AFF3: variants seen among roughly 807,000 people sequenced by gnomAD.
The protein encoded by AFF3 is AF4/FMR2 family member 3.
A neutral mutation model predicts 129.7 loss-of-function variants in AFF3; 32 were observed. That is an observed-to-expected ratio of 0.25 (90% CI 0.19 to 0.33). The LOEUF is 0.33. Among genes scored for constraint, AFF3 ranks in the 10% least tolerant of loss-of-function variants. The pLI, the probability that AFF3 is intolerant of heterozygous loss-of-function variation, is 1.00. For missense variants in AFF3, 1,373 were observed against 1,592.0 expected (o/e 0.86, Z 2.34); for synonymous variants, 644 against 635.4 (o/e 1.01, Z -0.20).
At chr2:100,002,010 C>T (rs535309441) in intron 7 of AFF3, among the ~76,000 whole-genome samples, 24 of 152,310 alleles carry the variant, frequency 1.6e-4, no homozygotes, top group Admixed American at 1.2e-3. Flanking sequence ...GCCACGCTGT[C>T]CTGAGGGACG....
intron 4 of AFF3, among the ~76,000 whole-genome samples, chr2:100,026,421 G>T (rs534375519): frequency 3.5e-4 from 54 of 152,276 alleles, no homozygotes; most frequent in African/African-American, 1.3e-3. Flanking sequence ...TGGATGTGGT[G>T]ATCAGGGAAC....
chr2:99,752,397 C>T (rs1681730476), intron 8 of AFF3, 96 bp from the exon 9 acceptor site: 3 of 930,360 alleles, frequency 3.2e-6, no homozygotes, highest in Non-Finnish European at 5.0e-6. Flanking sequence ...CTTCATAAGG[C>T]AGGGAAGGGT....
chr2:100,015,907 G>T (rs867307544), intron 4 of AFF3, among the ~76,000 whole-genome samples: 11 of 152,082 alleles, frequency 7.2e-5, no homozygotes, highest in African/African-American at 2.7e-4. Context: ...TGGCAGTAGT[G>T]TTGGTGGTAG....
Position 100,040,506 on chromosome 2 carries a change from A to G in AFF3, c.54-31574T>C, listed in dbSNP as rs138606982. On this transcript the variant is annotated intron_variant, in intron 4 of 24. Transcript: ENST00000672756. ...AAACAAGATCATGAATCCCTTTTCT[A>G]ATCATGAGCAATAAGAGAAACAAAA... Among the ~76,000 whole-genome samples, 54 of 152,330 alleles carry G rather than the reference A, an allele frequency of 3.5e-4. 1 individual carries two copies. The highest frequency in any genetic ancestry group is 1.3e-3 in the African/African-American group (53 of 41,576).
At chr2:99,583,266 A>T (rs974142984) in intron 16 of AFF3, among the ~76,000 whole-genome samples, 2 of 152,174 alleles carry the variant, frequency 1.3e-5, no homozygotes, top group Admixed American at 1.3e-4. Context: ...TAACACCTTC[A>T]TTTTCCAAGT....
At chr2:99,866,591 C>A (rs1276032272) in intron 7 of AFF3, among the ~76,000 whole-genome samples, 3 of 151,920 alleles carry the variant, frequency 2.0e-5, no homozygotes, top group Admixed American at 6.5e-5. Flanking sequence ...CCAGCCTCCA[C>A]AAGAAAGTCT....
chr2:100,000,289 T>C (rs985446766), intron 7 of AFF3, among the ~76,000 whole-genome samples: 8 of 152,110 alleles, frequency 5.3e-5, no homozygotes, highest in African/African-American at 1.7e-4. Flanking sequence ...GGTTCCACTA[T>C]AGATAATAAT....
intron 8 of AFF3, among the ~76,000 whole-genome samples, chr2:99,812,416 G>A (rs1197823317): frequency 6.6e-6 from 1 of 152,182 alleles, no homozygotes; most frequent in Non-Finnish European, 1.5e-5. Context: ...ACAAAGGCAC[G>A]GAGGACACAC....
chr2:99,778,263 G>A (rs945373547), intron 8 of AFF3, among the ~76,000 whole-genome samples: 2 of 152,024 alleles, frequency 1.3e-5, no homozygotes, highest in African/African-American at 4.8e-5. Flanking sequence ...TCTCCTTCAG[G>A]TCTGTGGCTT....
chr2:99,776,821 G>C lies in AFF3; in HGVS notation c.922-24520C>G, dbSNP rs57948771. On this transcript the variant is annotated intron_variant, in intron 8 of 24. Coordinates refer to ENST00000672756, the MANE Select transcript of AFF3 (RefSeq NM_001386135.1). Reference sequence around the variant, plus strand: ...TAGACTCCAGCCAAAATTTGTAAGGGCTCGGCTCTGAGGCATCTGATAGCA... The same window carrying C: ...TAGACTCCAGCCAAAATTTGTAAGGCCTCGGCTCTGAGGCATCTGATAGCA... 4.2e-3 allele frequency among the ~76,000 whole-genome samples: 645 copies of C among 152,304 alleles called. 8 individuals are homozygous for C. The highest frequency in any genetic ancestry group is 0.015 in the African/African-American group (615 of 41,552).
At chr2:99,686,146 C>A (rs1408301294) in intron 11 of AFF3, among the ~76,000 whole-genome samples, 1 of 151,904 alleles carries the variant, frequency 6.6e-6, no homozygotes. Context: ...GCCGAGATTG[C>A]GCCACTGCAC....
chr2:99,892,817 C>A (rs78421608), intron 7 of AFF3, among the ~76,000 whole-genome samples: 1 of 152,140 alleles, frequency 6.6e-6, no homozygotes, highest in African/African-American at 2.4e-5. Context: ...ATGGCCTCTA[C>A]GCACACCAAC....
chr2:100,118,588 T>C (rs1691820104), intron 2 of AFF3, among the ~76,000 whole-genome samples: 1 of 152,198 alleles, frequency 6.6e-6, no homozygotes, highest in South Asian at 2.1e-4. Context: ...TTACCAAGGA[T>C]AAGTATTTTA....
At chr2:99,858,406 C>T (rs998553620) in intron 7 of AFF3, among the ~76,000 whole-genome samples, 10 of 148,806 alleles carry the variant, frequency 6.7e-5, no homozygotes, top group Admixed American at 6.8e-5. Context: ...AAAAAATTAG[C>T]TGGGCATGGT....
intron 4 of AFF3, among the ~76,000 whole-genome samples, chr2:100,066,113 C>T (rs890022469): frequency 1.4e-4 from 21 of 152,126 alleles, no homozygotes; most frequent in African/African-American, 4.8e-4. Flanking sequence ...AAGCCCCCTC[C>T]CCCTGCCAGA....
intron 12 of AFF3, among the ~76,000 whole-genome samples, chr2:99,658,363 CAAG>C (rs938760515): frequency 1.3e-5 from 2 of 151,916 alleles, no homozygotes; most frequent in African/African-American, 2.4e-5. Context: ...AGGATGATGG[CAAG>C]AAGACCATGA....
At chr2:99,873,826 T>C (rs192040657) in intron 7 of AFF3, among the ~76,000 whole-genome samples, 1 of 152,112 alleles carries the variant, frequency 6.6e-6, no homozygotes. Flanking sequence ...CTGAGATTGT[T>C]AGAGACACCA....
At chr2:99,625,669 G>T (rs1348750994) in intron 13 of AFF3, among the ~76,000 whole-genome samples, 2 of 152,168 alleles carry the variant, frequency 1.3e-5, no homozygotes, top group Non-Finnish European at 2.9e-5. Context: ...AGGAAAGTTT[G>T]AGGGCCTGGG....
chr2:100,021,919 T>C (rs1021503669), intron 4 of AFF3, among the ~76,000 whole-genome samples: 4 of 152,216 alleles, frequency 2.6e-5, no homozygotes, highest in African/African-American at 9.6e-5. Flanking sequence ...TTAATGCTCA[T>C]TATACACAAA....
Sources: allele counts gnomAD v4.1 joint callset (sites outside exome capture counted in the v4.1 genomes callset), GRCh38; gene constraint gnomAD v4.1.1; transcripts MANE v1.5; gene names NCBI Gene and HGNC (gene_info 2026-07-23, HGNC 2026-07-21).